IGSF11: variants seen among roughly 807,000 people sequenced by gnomAD.
IGSF11 encodes the protein immunoglobulin superfamily member 11.
IGSF11 carries 22 observed loss-of-function variants against 41.0 expected under a neutral mutation model. The observed-to-expected ratio is 0.54, with a 90% CI of 0.38 to 0.77. The LOEUF is 0.77. Among genes scored for constraint, IGSF11 ranks in the 30% least tolerant of loss-of-function variants. IGSF11 has a pLI of 0.00. For synonymous variants in IGSF11, 219 were observed against 201.3 expected (o/e 1.09, Z -0.74); for missense variants, 444 against 530.8 (o/e 0.84, Z 1.61).
chr3:118,956,777 G>A lies in IGSF11; in HGVS notation c.53-26502C>T, dbSNP rs544142704. On this transcript the variant is annotated intron_variant, in intron 1 of 6. Transcript: ENST00000393775. ...ATAATGAGAAAGTTTGAGATATTGT[G>A]AAAATTACCAAAGTGTGACAAAGAA... Among the ~76,000 whole-genome samples, 72 of 152,282 alleles carry A rather than the reference G, an allele frequency of 4.7e-4. 1 individual carries two copies. The South Asian group carries it at 0.015, about 31-fold the overall frequency.
chr3:119,107,020 C>T (rs2077042298), upstream of IGSF11, among the ~76,000 whole-genome samples: 1 of 152,176 alleles, frequency 6.6e-6, no homozygotes, highest in Non-Finnish European at 1.5e-5. Context: ...CAAGTCTTTG[C>T]TATTGTAAAT....
intron 1 of IGSF11, among the ~76,000 whole-genome samples, chr3:119,048,107 C>T (rs1307584883): frequency 2.6e-5 from 4 of 151,732 alleles, no homozygotes; most frequent in African/African-American, 9.7e-5. Context: ...CAAGAGCAAA[C>T]ACATTCAAAA....
At chr3:118,966,021 G>A (rs757691996) in intron 1 of IGSF11, among the ~76,000 whole-genome samples, 1 of 151,300 alleles carries the variant, frequency 6.6e-6, no homozygotes, top group Non-Finnish European at 1.5e-5. Context: ...AAAAAAAACA[G>A]AAGAGTAAAA....
intron 1 of IGSF11, among the ~76,000 whole-genome samples, chr3:118,990,304 G>A (rs1935667797): frequency 6.6e-6 from 1 of 152,238 alleles, no homozygotes; most frequent in African/African-American, 2.4e-5. Flanking sequence ...GATGTGAAGT[G>A]AAGAGAACCT....
At chr3:118,916,422 C>A (rs1163181846) in intron 4 of IGSF11, among the ~76,000 whole-genome samples, 1 of 151,862 alleles carries the variant, frequency 6.6e-6, no homozygotes, top group African/African-American at 2.4e-5. Context: ...ATCTACCAAG[C>A]AAATGGAAAA....
chr3:118,927,831 G>A (rs1053302390), intron 3 of IGSF11, among the ~76,000 whole-genome samples: 2 of 152,084 alleles, frequency 1.3e-5, no homozygotes, highest in Non-Finnish European at 2.9e-5. Flanking sequence ...AATAAAACAT[G>A]CTTATAATGG....
chr3:118,913,517 G>A (rs757039585), intron 4 of IGSF11, among the ~76,000 whole-genome samples: 20 of 152,146 alleles, frequency 1.3e-4, no homozygotes, highest in Non-Finnish European at 2.5e-4. Context: ...TCAAATTCTT[G>A]AGAAACAATA....
chr3:119,094,223 T>TTAAAAAAAAAAAAAAAAAAAAAAAAAAA (rs1491294473), intron 1 of IGSF11, among the ~76,000 whole-genome samples: 1 of 35,066 alleles, frequency 2.9e-5, no homozygotes, highest in Non-Finnish European at 5.7e-5. Flanking sequence ...CATAGCGAAG[T>TTAAAAAAAAAAAAAAAAAAAAAAAAAAA]AAAAAAAAAA....
At chr3:118,971,802 CAAAA>C (rs11370113) in intron 1 of IGSF11, among the ~76,000 whole-genome samples, 5 of 88,950 alleles carry the variant, frequency 5.6e-5, no homozygotes, top group Non-Finnish European at 2.6e-5. Flanking sequence ...GACTCCGTCT[CAAAA>C]AAAAAAAAAA....
intron 1 of IGSF11, among the ~76,000 whole-genome samples, chr3:118,980,482 TA>T (rs1934600717): frequency 6.6e-6 from 1 of 151,930 alleles, no homozygotes; most frequent in Admixed American, 6.6e-5. Context: ...CATATGGAGG[TA>T]AAGAGTGGAA....
chr3:119,012,484 T>C (rs1220584863), intron 1 of IGSF11, among the ~76,000 whole-genome samples: 2 of 152,206 alleles, frequency 1.3e-5, no homozygotes, highest in African/African-American at 4.8e-5. Context: ...AATTTCCACT[T>C]TACCATGCAA....
chr3:119,096,641 C>T (rs1242691124), intron 1 of IGSF11, among the ~76,000 whole-genome samples: 1 of 152,150 alleles, frequency 6.6e-6, no homozygotes, highest in Non-Finnish European at 1.5e-5. Context: ...CTACCCGATG[C>T]TGTGAAAGTG....
chr3:119,067,405 T>G (rs1241985928), intron 1 of IGSF11, among the ~76,000 whole-genome samples: 1 of 152,202 alleles, frequency 6.6e-6, no homozygotes, highest in Non-Finnish European at 1.5e-5. Context: ...TCCAAGGTCC[T>G]CAGCCCACCT....
At chr3:119,005,420 T>G (rs1937396927) in intron 1 of IGSF11, among the ~76,000 whole-genome samples, 1 of 151,374 alleles carries the variant, frequency 6.6e-6, no homozygotes, top group Non-Finnish European at 1.5e-5. Context: ...TTTATCCAAC[T>G]CGCCAGTCTG....
intron 1 of IGSF11, chr3:119,013,151 A>G (rs1435889410): frequency 1.3e-5 from 2 of 152,158 alleles, no homozygotes; most frequent in Admixed American, 6.5e-5. Flanking sequence ...CTGAACTTCT[A>G]TGGAGTTCTA....
intron 1 of IGSF11, among the ~76,000 whole-genome samples, chr3:119,017,776 CTTTTTTTTTTTTTTT>C (rs567222914): frequency 1.0e-5 from 1 of 100,258 alleles, no homozygotes; most frequent in African/African-American, 3.9e-5. Flanking sequence ...GTTTGTTTTA[CTTTTTTTTTTTTTTT>C]TTTTTTTTGA....
At chr3:119,064,750 T>C (rs1263518188) in intron 1 of IGSF11, among the ~76,000 whole-genome samples, 1 of 152,132 alleles carries the variant, frequency 6.6e-6, no homozygotes, top group East Asian at 1.9e-4. Context: ...TAATTAAATT[T>C]ATTGCTCGTA....
Position 118,901,713 on chromosome 3 carries a change from G to T in IGSF11, c.*807C>A, listed in dbSNP as rs1013229152. ...CCATTGAACAAGGTATTATACAACAGTCTTTTCTTTCTTAGCCCAATGCCT... is the reference window on the plus strand; with the variant it reads ...CCATTGAACAAGGTATTATACAACATTCTTTTCTTTCTTAGCCCAATGCCT... On this transcript the variant is annotated 3_prime_UTR_variant, in exon 7 of 7. Transcript: ENST00000393775. The T allele has an allele frequency of 6.7e-6, 1 of 148,758 alleles. No individual in the cohort carries two copies. The highest frequency in any genetic ancestry group is 2.5e-5 in the African/African-American group (1 of 40,118). The allele number at this position is 148,758 out of a possible 1,614,324, so 9.2% of individuals were successfully genotyped here. A position where few individuals can be genotyped will look rare whatever the true frequency, so the allele number is the denominator to read the frequency against.
chr3:118,933,489 T>TACAC (rs36105810), intron 1 of IGSF11, among the ~76,000 whole-genome samples: 181 of 148,802 alleles, frequency 1.2e-3, no homozygotes, highest in East Asian at 8.4e-3. Flanking sequence ...TATATATATA[T>TACAC]ACACACACAC....
Sources: gnomAD v4.1 joint callset for allele counts (sites outside exome capture counted in the v4.1 genomes callset) on GRCh38, gnomAD v4.1.1 for gene constraint, MANE v1.5 for transcripts, NCBI Gene and HGNC (gene_info 2026-07-23, HGNC 2026-07-21) for gene names.